CISD2: variants seen among roughly 807,000 people sequenced by gnomAD.
CISD2 encodes the protein CDGSH iron-sulfur domain-containing protein 2.
CISD2 carries 1 observed loss-of-function variant against 12.9 expected under a neutral mutation model. The ratio of observed to expected loss-of-function variants is 0.08; its 90% CI spans 0.03 to 0.37. The LOEUF (loss-of-function observed/expected upper bound fraction) is 0.37, where lower values mean the gene tolerates loss of function less well. Ranked by LOEUF, CISD2 falls within the 10% of genes least tolerant of loss-of-function variation. The pLI is 0.99. For synonymous variants in CISD2, 50 were observed against 60.6 expected (o/e 0.83, Z 0.81); for missense variants, 97 against 163.1 (o/e 0.59, Z 2.21).
intron 2 of CISD2, among the ~76,000 whole-genome samples, chr4:102,886,764 G>GC (rs368740787): frequency 1 from 152,074 of 152,078 alleles, 76,035 homozygotes; most frequent in Middle Eastern, 1. Flanking sequence ...ACAGGCGTAT[G>GC]CACCACGCCC....
At chr4:102,874,433 A>T (rs1484482240) in intron 1 of CISD2, 1 of 152,164 alleles carries the variant, frequency 6.6e-6, no homozygotes, top group Non-Finnish European at 1.5e-5. Flanking sequence ...CACACAATAT[A>T]CCCATATGAC....
chr4:102,874,765 A>G (rs1198382632), intron 1 of CISD2: 1 of 152,240 alleles, frequency 6.6e-6, no homozygotes, highest in Non-Finnish European at 1.5e-5. Context: ...GAATCCTAGT[A>G]GAGACTACTG....
rs1734005184 is a variant in CISD2, at chr4:102,887,738, A to T, written c.*308A>T. 1 of 194,326 alleles carries T rather than the reference A, an allele frequency of 5.1e-6. No homozygotes were observed. Among genetic ancestry groups the T allele is most frequent in the African/African-American group, 2.3e-5 (1 of 42,616 alleles). The allele number at this position is 194,326 out of a possible 1,614,324, so 12.0% of individuals were successfully genotyped here. On this transcript the variant is annotated 3_prime_UTR_variant, in exon 3 of 3. Coordinates refer to ENST00000273986, the MANE Select transcript of CISD2 (RefSeq NM_001008388.5). Reference sequence around the variant, plus strand: ...TTTGAATATCAATATTTTCAACAGGATCTTGTATTTAAAATTCCCACCTAC... The same window carrying T: ...TTTGAATATCAATATTTTCAACAGGTTCTTGTATTTAAAATTCCCACCTAC...
intron 1 of CISD2, among the ~76,000 whole-genome samples, chr4:102,871,861 A>G (rs1408979685): frequency 6.6e-6 from 1 of 152,122 alleles, no homozygotes; most frequent in Non-Finnish European, 1.5e-5. Context: ...TTCCTTCCCT[A>G]TTTAAATCTA....
intron 1 of CISD2, among the ~76,000 whole-genome samples, chr4:102,880,948 C>T (rs962743173): frequency 2.7e-5 from 4 of 148,248 alleles, no homozygotes; most frequent in Admixed American, 6.8e-5. Context: ...TGAGCTAACA[C>T]GACACACACT....
intron 1 of CISD2, among the ~76,000 whole-genome samples, chr4:102,876,824 T>A (rs918186168): frequency 2.6e-5 from 4 of 152,070 alleles, no homozygotes; most frequent in African/African-American, 7.2e-5. Flanking sequence ...CAGTTCTGCA[T>A]GGCTAGGTAG....
Position 102,884,891 on chromosome 4 carries a change from TTTATAG to T in CISD2, c.104-317_104-312del, listed in dbSNP as rs1189693967. Among the ~76,000 whole-genome samples the T allele has an allele frequency of 3.3e-5, 5 of 152,348 alleles. No homozygotes were observed. In the South Asian group the frequency reaches 1.0e-3, roughly 32 times the overall value. ...CTTATAAAATATACATTGAATTTTG[TTTATAG>T]TTATAGTGATCATAACTCCTAAAAT... is the stretch of plus-strand genomic sequence containing the variant. On this transcript the variant is annotated intron_variant, in intron 1 of 2. Coordinates refer to ENST00000273986, the MANE Select transcript of CISD2 (RefSeq NM_001008388.5).
chr4:102,882,381 A>G (rs375140489), intron 1 of CISD2, among the ~76,000 whole-genome samples: 1 of 152,204 alleles, frequency 6.6e-6, no homozygotes, highest in East Asian at 1.9e-4. Context: ...GCAAGCTAAG[A>G]TAATTAGTCA....
chr4:102,884,186 G>A (rs1429733413), intron 1 of CISD2, among the ~76,000 whole-genome samples: 1 of 152,128 alleles, frequency 6.6e-6, no homozygotes, highest in East Asian at 1.9e-4. Flanking sequence ...AACCTGCTTA[G>A]GCTACAGTTT....
chr4:102,883,553 G>A (rs1281320482), intron 1 of CISD2, among the ~76,000 whole-genome samples: 1 of 152,158 alleles, frequency 6.6e-6, no homozygotes, highest in East Asian at 1.9e-4. Context: ...CTACAAGTCT[G>A]TTGGGTACAA....
intron 1 of CISD2, among the ~76,000 whole-genome samples, chr4:102,878,959 A>G (rs1733651794): frequency 1.3e-5 from 2 of 152,220 alleles, no homozygotes; most frequent in Admixed American, 1.3e-4. Context: ...TAATTGACTC[A>G]CAGTTACGCA....
chr4:102,875,031 T>A (rs1467370374), intron 1 of CISD2, among the ~76,000 whole-genome samples: 1 of 152,244 alleles, frequency 6.6e-6, no homozygotes. Flanking sequence ...CAGGTTAGAT[T>A]CTTACTTACC....
At chr4:102,880,167 C>T (rs1169483072) in intron 1 of CISD2, among the ~76,000 whole-genome samples, 1 of 151,986 alleles carries the variant, frequency 6.6e-6, no homozygotes, top group Non-Finnish European at 1.5e-5. Flanking sequence ...TGGTCACGAA[C>T]TCCTGACCTC....
chr4:102,881,290 A>T (rs978363507), intron 1 of CISD2, among the ~76,000 whole-genome samples: 1 of 152,190 alleles, frequency 6.6e-6, no homozygotes, highest in Non-Finnish European at 1.5e-5. Context: ...AAGGGTAGGG[A>T]GGGAGAGAAT....
chr4:102,876,253 CAAAA>C (rs1443638420), intron 1 of CISD2, among the ~76,000 whole-genome samples: 2 of 152,206 alleles, frequency 1.3e-5, no homozygotes, highest in Admixed American at 1.3e-4. Context: ...GCTTTACAGA[CAAAA>C]GAAACCTGGT....
chr4:102,871,516 G>C (rs565974175), intron 1 of CISD2, among the ~76,000 whole-genome samples: 1 of 152,252 alleles, frequency 6.6e-6, no homozygotes, highest in African/African-American at 2.4e-5. Flanking sequence ...GAACATGCTT[G>C]TAATAACTGG....
rs530555552 is a variant in CISD2 at position 102,889,898 on chromosome 4, T to C, written c.*2468T>C. 6 of 152,044 alleles carry C rather than the reference T, an allele frequency of 3.9e-5. No homozygotes were observed. In the East Asian group the frequency reaches 7.7e-4, roughly 20 times the overall value. The allele number at this position is 152,044 out of a possible 1,614,324, so 9.4% of individuals were successfully genotyped here. Reference sequence around the variant, plus strand: ...GTAACTTGTAGAACTTGAGGATAAGTGGTAAAAGAAAAAAAAAAGTAACTT... The same window carrying C: ...GTAACTTGTAGAACTTGAGGATAAGCGGTAAAAGAAAAAAAAAAGTAACTT... On this transcript the variant is annotated 3_prime_UTR_variant, in exon 3 of 3. Coordinates refer to ENST00000273986, the MANE Select transcript of CISD2 (RefSeq NM_001008388.5).
At chr4:102,874,764 T>TA (rs1247873752) in intron 1 of CISD2, 1 of 152,348 alleles carries the variant, frequency 6.6e-6, no homozygotes, top group East Asian at 1.9e-4. Context: ...GGAATCCTAG[T>TA]AGAGACTACT....
At chr4:102,881,388 C>G (rs146926605) in intron 1 of CISD2, among the ~76,000 whole-genome samples, 1 of 152,030 alleles carries the variant, frequency 6.6e-6, no homozygotes, top group African/African-American at 2.4e-5. Flanking sequence ...CTATTGTTAT[C>G]AGTAATTTTA....
Sources: gnomAD v4.1 joint callset for allele counts (sites outside exome capture counted in the v4.1 genomes callset) on GRCh38, gnomAD v4.1.1 for gene constraint, MANE v1.5 for transcripts, NCBI Gene and HGNC (gene_info 2026-07-23, HGNC 2026-07-21) for gene names.